Variants in SORBS2 observed in about 807,000 individuals in gnomAD.
The protein encoded by SORBS2 is sorbin and SH3 domain containing 2.
Under a neutral mutation model 97.7 loss-of-function variants are expected in SORBS2, and 46 were observed. The observed-to-expected ratio is 0.47, with a 90% CI of 0.37 to 0.60. The LOEUF (loss-of-function observed/expected upper bound fraction) is 0.60. SORBS2 is among the 20% of genes least tolerant of loss of function. The pLI, the probability that SORBS2 is intolerant of heterozygous loss-of-function variation, is 0.00. For synonymous variants in SORBS2, 476 were observed against 473.4 expected, an observed-to-expected ratio of 1.01 and a Z score of -0.07; for missense variants, 1,316 against 1,282.3, an observed-to-expected ratio of 1.03 and a Z score of -0.40.
chr4:185,819,252 C>A (rs868780931), intron 1 of SORBS2, among the ~76,000 whole-genome samples: 1 of 152,228 alleles, frequency 6.6e-6, no homozygotes, highest in Non-Finnish European at 1.5e-5. Context: ...CTAGCTCCTA[C>A]CCTCTGTTCT....
At chr4:185,702,061 G>T (rs2098270833) in intron 2 of SORBS2, among the ~76,000 whole-genome samples, 1 of 152,188 alleles carries the variant, frequency 6.6e-6, no homozygotes, top group South Asian at 2.1e-4. Context: ...GAGCCACTGT[G>T]CTGGGCCGCA....
At chr4:185,935,399 C>A (rs2099268454) in intron 1 of SORBS2, among the ~76,000 whole-genome samples, 1 of 152,190 alleles carries the variant, frequency 6.6e-6, no homozygotes, top group African/African-American at 2.4e-5. Context: ...TAAGAGACTC[C>A]TTGACTTTTG....
chr4:185,870,589 G>A (rs753589666), intron 1 of SORBS2, among the ~76,000 whole-genome samples: 3 of 152,232 alleles, frequency 2.0e-5, no homozygotes, highest in Non-Finnish European at 4.4e-5. Context: ...AGGTTGGCAC[G>A]TTGGACGGAT....
intron 2 of SORBS2, among the ~76,000 whole-genome samples, chr4:185,733,432 T>C (rs959539069): frequency 1.3e-5 from 2 of 151,974 alleles, no homozygotes; most frequent in African/African-American, 4.8e-5. Flanking sequence ...CAGCGAACAG[T>C]GACATTGGAG....
rs1404322766 is a variant in SORBS2, at chr4:185,813,999, A to G, written c.-337-38633T>C. Among the ~76,000 whole-genome samples the G allele has an allele frequency of 7.9e-5, 12 of 152,226 alleles. No homozygotes were observed. In the South Asian group the frequency reaches 2.5e-3, roughly 32 times the overall value. On this transcript the variant is annotated intron_variant, in intron 1 of 20. Transcript: ENST00000284776. ...ATGCCTCTAAATGAGGACCTACGAC[A>G]CTGTATGAATAGGGACTGATGACTG... is the stretch of plus-strand genomic sequence containing the variant.
chr4:185,948,764 C>T (rs779252594), intron 1 of SORBS2, among the ~76,000 whole-genome samples: 13 of 151,826 alleles, frequency 8.6e-5, no homozygotes, highest in South Asian at 2.1e-4. Context: ...GTGATCCACC[C>T]GCCTCGGCCT....
At chr4:185,928,961 A>G (rs998358345) in intron 1 of SORBS2, among the ~76,000 whole-genome samples, 1 of 152,230 alleles carries the variant, frequency 6.6e-6, no homozygotes, top group South Asian at 2.1e-4. Flanking sequence ...TTACATAAAC[A>G]CATCCAAACT....
At chr4:185,943,382 T>G (rs10010181) in intron 1 of SORBS2, among the ~76,000 whole-genome samples, 1 of 152,156 alleles carries the variant, frequency 6.6e-6, no homozygotes, top group Non-Finnish European at 1.5e-5. Flanking sequence ...TGAATTCTGA[T>G]GTCATGAAAT....
At chr4:185,739,226 C>CAAAA (rs2098707480) in intron 2 of SORBS2, among the ~76,000 whole-genome samples, 2 of 152,090 alleles carry the variant, frequency 1.3e-5, no homozygotes, top group African/African-American at 4.8e-5. Flanking sequence ...ATTACATTCA[C>CAAAA]AAAGTCAAAA....
At chr4:185,633,047 A>G (rs2096933310) in intron 4 of SORBS2, among the ~76,000 whole-genome samples, 1 of 152,214 alleles carries the variant, frequency 6.6e-6, no homozygotes, top group Non-Finnish European at 1.5e-5. Context: ...ACATATTACC[A>G]TTATTTTAAC....
At chr4:185,827,894 CCAT>C (rs553736622) in intron 1 of SORBS2, among the ~76,000 whole-genome samples, 2,533 of 146,146 alleles carry the variant, frequency 0.017, 75 homozygotes, top group African/African-American at 0.06. Flanking sequence ...ATCAGCGTCA[CCAT>C]CATCATCATA....
chr4:185,777,719 A>G (rs79726205), intron 1 of SORBS2, among the ~76,000 whole-genome samples: 13,896 of 152,196 alleles, frequency 0.091, 753 homozygotes, highest in South Asian at 0.16. Flanking sequence ...ACTGAGCTCA[A>G]TGCGGCTAGT....
chr4:185,696,724 G>A (rs1398550743), intron 2 of SORBS2, among the ~76,000 whole-genome samples: 1 of 152,170 alleles, frequency 6.6e-6, no homozygotes, highest in Non-Finnish European at 1.5e-5. Flanking sequence ...TTACAGGTGT[G>A]AGTCACTGTG....
At chr4:185,611,959 T>C in exon 12 of SORBS2, 1 of 1,608,090 alleles carries the variant, frequency 6.2e-7, no homozygotes, top group South Asian at 1.1e-5. Context: ...TCAACTCTTT[T>C]AAGAAGAATA....
intron 9 of SORBS2, among the ~76,000 whole-genome samples, chr4:185,616,687 C>G (rs764139064): frequency 1.3e-5 from 2 of 152,210 alleles, no homozygotes; most frequent in East Asian, 3.8e-4. Flanking sequence ...GTTTTCAAAA[C>G]TGTGTCCCTC....
At chr4:185,891,547 G>A (rs190696658) in intron 1 of SORBS2, among the ~76,000 whole-genome samples, 59 of 152,270 alleles carry the variant, frequency 3.9e-4, no homozygotes, top group African/African-American at 1.3e-3. Context: ...ACCTAAGACT[G>A]GCCTTTTGAA....
chr4:185,613,534 G>T (rs961816484), intron 11 of SORBS2, among the ~76,000 whole-genome samples: 1 of 151,158 alleles, frequency 6.6e-6, no homozygotes, highest in Non-Finnish European at 1.5e-5. Flanking sequence ...TGTAGTCCCA[G>T]CTAATCGGGA....
chr4:185,759,830 T>G (rs1274397392), intron 2 of SORBS2, among the ~76,000 whole-genome samples: 1 of 152,232 alleles, frequency 6.6e-6, no homozygotes, highest in Non-Finnish European at 1.5e-5. Context: ...TGGTCTTATG[T>G]TACTAATATA....
At chr4:185,753,261 A>G (rs2098812185) in intron 2 of SORBS2, among the ~76,000 whole-genome samples, 1 of 152,264 alleles carries the variant, frequency 6.6e-6, no homozygotes, top group Non-Finnish European at 1.5e-5. Flanking sequence ...GTTTTGGGGA[A>G]CATTTTTCAT....
Sources: gnomAD v4.1 joint callset for allele counts (sites outside exome capture counted in the v4.1 genomes callset) on GRCh38, gnomAD v4.1.1 for gene constraint, MANE v1.5 for transcripts, NCBI Gene and HGNC (gene_info 2026-07-23, HGNC 2026-07-21) for gene names.